Variants in SHISA9 observed in about 807,000 individuals in gnomAD.
SHISA9 encodes protein shisa-9.
In SHISA9, 13 loss-of-function variants were observed where a neutral mutation model predicts 38.0. The ratio of observed to expected loss-of-function variants is 0.34; its 90% CI spans 0.22 to 0.54. The LOEUF (loss-of-function observed/expected upper bound fraction) is 0.54, where lower values mean the gene tolerates loss of function less well. Ranked by LOEUF, SHISA9 falls within the 20% of genes least tolerant of loss-of-function variation. The pLI, the probability that SHISA9 is intolerant of heterozygous loss-of-function variation, is 0.91. For missense variants in SHISA9, 538 were observed against 575.8 expected, an observed-to-expected ratio of 0.93 and a Z score of 0.67; for synonymous variants, 275 against 242.0, an observed-to-expected ratio of 1.14 and a Z score of -1.27.
intron 2 of SHISA9, among the ~76,000 whole-genome samples, chr16:12,922,765 G>C (rs7202534): frequency 0.26 from 39,252 of 151,132 alleles, 5,740 homozygotes; most frequent in Middle Eastern, 0.35. Context: ...GGTGATCCAC[G>C]TGCCTTAGCC....
chr16:12,968,245 T>G (rs2072007796), intron 2 of SHISA9, among the ~76,000 whole-genome samples: 1 of 129,968 alleles, frequency 7.7e-6, no homozygotes, highest in African/African-American at 2.9e-5. Flanking sequence ...TCAGGCTACA[T>G]ATATCCCATA....
chr16:13,081,416 G>T (rs80216115), intron 2 of SHISA9, among the ~76,000 whole-genome samples: 2 of 152,144 alleles, frequency 1.3e-5, no homozygotes, highest in Non-Finnish European at 2.9e-5. Context: ...CAGTCCTCAC[G>T]GCTACTGTGA....
chr16:13,484,723 G>GTA, the SHISA9 span, among the ~76,000 whole-genome samples: 11 of 152,214 alleles, frequency 7.2e-5, no homozygotes, highest in Admixed American at 7.2e-4. Context: ...AATCATGGTG[G>GTA]AAGGTGAAGA....
intron 2 of SHISA9, among the ~76,000 whole-genome samples, chr16:13,008,656 TCCCTCCCTTCCTCCCTCCC>T (rs2072630037): frequency 4.4e-5 from 1 of 22,866 alleles, no homozygotes. Context: ...CCTCCCTCCC[TCCCTCCCTTCCTCCCTCCC>T]TCCCTCTCTC....
chr16:13,413,047 C>G, the SHISA9 span, among the ~76,000 whole-genome samples: 4 of 151,892 alleles, frequency 2.6e-5, no homozygotes, highest in Non-Finnish European at 5.9e-5. Flanking sequence ...TCTAAGTGAA[C>G]AGAAAAAGAA....
intron 2 of SHISA9, among the ~76,000 whole-genome samples, chr16:13,058,543 GAA>G (rs1208122482): frequency 6.6e-6 from 1 of 152,306 alleles, no homozygotes; most frequent in African/African-American, 2.4e-5. Context: ...GCCTAGGGAG[GAA>G]AGGAAGACAG....
rs185339396 is a variant in SHISA9 at position 12,937,541 on chromosome 16, C to T, written c.691+20726C>T. Among the ~76,000 whole-genome samples, 63 of 152,352 alleles carry T rather than the reference C, an allele frequency of 4.1e-4. 1 individual carries two copies. Among genetic ancestry groups the T allele is most frequent in the Non-Finnish European group, 8.1e-4 (55 of 68,042 alleles). On this transcript the variant is annotated intron_variant, in intron 2 of 4. Coordinates refer to ENST00000558583, the MANE Select transcript of SHISA9 (RefSeq NM_001145204.3). ...GGCTTAAACAACAGGAATTTATTTT[C>T]TCACAATTCTGGAGGGTAGACATAC... is the stretch of plus-strand genomic sequence containing the variant.
chr16:13,209,994 G>A (rs1378254024), intron 3 of SHISA9, among the ~76,000 whole-genome samples: 1 of 152,142 alleles, frequency 6.6e-6, no homozygotes, highest in Non-Finnish European at 1.5e-5. Flanking sequence ...TCAGCTACTT[G>A]GGAGGCTGAG....
chr16:13,096,516 A>T (rs2073829584), intron 2 of SHISA9, among the ~76,000 whole-genome samples: 2 of 152,208 alleles, frequency 1.3e-5, no homozygotes, highest in South Asian at 4.1e-4. Context: ...TGCAAGACTC[A>T]TGCTGAAGCT....
the SHISA9 span, among the ~76,000 whole-genome samples, chr16:13,526,141 A>G: frequency 6.6e-6 from 1 of 152,248 alleles, no homozygotes; most frequent in South Asian, 2.1e-4. Context: ...AACTGGAGCC[A>G]GTAGGAGTGT....
At chr16:13,208,176 A>C (rs2051083990) in intron 3 of SHISA9, among the ~76,000 whole-genome samples, 1 of 152,186 alleles carries the variant, frequency 6.6e-6, no homozygotes, top group Non-Finnish European at 1.5e-5. Flanking sequence ...AAGATGTCCA[A>C]GTTCCATTTT....
chr16:13,264,160 T>A, the SHISA9 span, among the ~76,000 whole-genome samples: 2 of 150,294 alleles, frequency 1.3e-5, no homozygotes, highest in African/African-American at 2.4e-5. Context: ...AGGGAGACAT[T>A]GTTTTAAATC....
chr16:13,336,068 C>A, the SHISA9 span, among the ~76,000 whole-genome samples: 2 of 152,128 alleles, frequency 1.3e-5, no homozygotes, highest in Non-Finnish European at 2.9e-5. Flanking sequence ...GGATGGGGTC[C>A]AGCGTGGTGC....
At chr16:13,241,787 A>G (rs1250079949), downstream of SHISA9, among the ~76,000 whole-genome samples, 1 of 152,192 alleles carries the variant, frequency 6.6e-6, no homozygotes, top group East Asian at 1.9e-4. Context: ...GTCACTTAGC[A>G]TCACCCAGAG....
chr16:12,989,922 T>A (rs2072362804), intron 2 of SHISA9, among the ~76,000 whole-genome samples: 3 of 152,176 alleles, frequency 2.0e-5, no homozygotes, highest in African/African-American at 4.8e-5. Flanking sequence ...TTCTTCCTGA[T>A]GCTCTCCCTT....
At chr16:13,356,114 T>G in the SHISA9 span, among the ~76,000 whole-genome samples, 2 of 152,206 alleles carry the variant, frequency 1.3e-5, no homozygotes, top group Non-Finnish European at 2.9e-5. Context: ...GCTGGAGATG[T>G]GGCTGGGGTT....
At chr16:12,915,773 A>C (rs2071245473) in intron 1 of SHISA9, among the ~76,000 whole-genome samples, 1 of 152,244 alleles carries the variant, frequency 6.6e-6, no homozygotes. Flanking sequence ...ACAAAGGAAG[A>C]AACGGAATGA....
intron 2 of SHISA9, among the ~76,000 whole-genome samples, chr16:13,068,971 GTA>G (rs757568843): frequency 8.6e-5 from 13 of 152,020 alleles, no homozygotes; most frequent in South Asian, 6.2e-4. Flanking sequence ...ATGCATGTAT[GTA>G]TATATGTGTG....
At chr16:13,456,786 C>A in the SHISA9 span, among the ~76,000 whole-genome samples, 1 of 152,158 alleles carries the variant, frequency 6.6e-6, no homozygotes, top group South Asian at 2.1e-4. Context: ...GTGATCAAGC[C>A]CCAGTAAAAA....
Sources: allele counts gnomAD v4.1 joint callset (sites outside exome capture counted in the v4.1 genomes callset), GRCh38; gene constraint gnomAD v4.1.1; transcripts MANE v1.5; gene names NCBI Gene and HGNC (gene_info 2026-07-23, HGNC 2026-07-21).